PLXNA4: variants seen among roughly 807,000 people sequenced by gnomAD.
PLXNA4 encodes the protein plexin A4.
In PLXNA4, 44 loss-of-function variants were observed where a neutral mutation model predicts 191.8. The observed-to-expected ratio is 0.23, with a 90% CI of 0.18 to 0.29. The LOEUF is 0.29. Among genes scored for constraint, PLXNA4 ranks in the 10% least tolerant of loss-of-function variants. The pLI, the probability that PLXNA4 is intolerant of heterozygous loss-of-function variation, is 1.00. For synonymous variants in PLXNA4, 1,082 were observed against 1,009.5 expected, an observed-to-expected ratio of 1.07 and a Z score of -1.36; for missense variants, 1,800 against 2,488.8, an observed-to-expected ratio of 0.72 and a Z score of 5.89.
chr7:132,482,455 T>G (rs554392945), intron 3 of PLXNA4, among the ~76,000 whole-genome samples: 9 of 152,160 alleles, frequency 5.9e-5, no homozygotes, highest in Non-Finnish European at 1.2e-4. Flanking sequence ...AGGTAGACTC[T>G]TCCCCATTCT....
intron 3 of PLXNA4, among the ~76,000 whole-genome samples, chr7:132,459,105 G>T (rs749190387): frequency 1.3e-5 from 2 of 152,076 alleles, no homozygotes; most frequent in African/African-American, 4.8e-5. Context: ...TACAGAGCAC[G>T]ACCGAACCAG....
At chr7:132,564,892 C>A (rs2116717515) in intron 1 of PLXNA4, among the ~76,000 whole-genome samples, 1 of 152,294 alleles carries the variant, frequency 6.6e-6, no homozygotes. Flanking sequence ...CATCCCCTGC[C>A]ACTGTCTCCT....
intron 3 of PLXNA4, among the ~76,000 whole-genome samples, chr7:132,461,987 T>C (rs1399865053): frequency 6.6e-6 from 1 of 152,176 alleles, no homozygotes; most frequent in African/African-American, 2.4e-5. Context: ...TGAAAAGCTA[T>C]TAAAGTTGTC....
At chr7:132,564,249 TCTGCTTCTCCTCCTCCTCTCCTTTTCCTC>T (rs546682634) in intron 1 of PLXNA4, among the ~76,000 whole-genome samples, 20 of 110,750 alleles carry the variant, frequency 1.8e-4, no homozygotes, top group South Asian at 7.4e-4. Context: ...TCCTCCTCCT[TCTGCTTCTCCTCCTCCTCTCCTTTTCCTC>T]CTCCTCCTCC....
chr7:132,442,983 C>T (rs1463879817), intron 3 of PLXNA4, among the ~76,000 whole-genome samples: 2 of 152,148 alleles, frequency 1.3e-5, no homozygotes, highest in Non-Finnish European at 2.9e-5. Context: ...GCTCTGCTTA[C>T]CCAGCCCGTG....
intron 3 of PLXNA4, among the ~76,000 whole-genome samples, chr7:132,345,957 G>C (rs6467431): frequency 6.6e-6 from 1 of 151,830 alleles, no homozygotes; most frequent in Non-Finnish European, 1.5e-5. Flanking sequence ...CATCTGCTGC[G>C]TGAGCTACAA....
intron 3 of PLXNA4, among the ~76,000 whole-genome samples, chr7:132,360,486 AC>A (rs1405045908): frequency 6.6e-6 from 1 of 152,152 alleles, no homozygotes; most frequent in African/African-American, 2.4e-5. Flanking sequence ...CAGATCAGAT[AC>A]TCAGTTTCTC....
At chr7:132,540,434 G>A (rs1800020794) in intron 1 of PLXNA4, among the ~76,000 whole-genome samples, 1 of 152,072 alleles carries the variant, frequency 6.6e-6, no homozygotes, top group South Asian at 2.1e-4. Flanking sequence ...CCAAACCTGG[G>A]CTAGATCTCC....
In PLXNA4 at chr7:132,351,473, C is replaced by T. The variant is rs557647186; in HGVS notation, c.1372-53251G>A. 1.4e-4 allele frequency among the ~76,000 whole-genome samples: 21 copies of T among 152,292 alleles called. No homozygotes were observed. In the South Asian group the frequency reaches 3.9e-3, roughly 29 times the overall value. On this transcript the variant is annotated intron_variant, in intron 3 of 31. Transcript: ENST00000321063. ...AAGACTTGCCCATGGCTGGCCACCC[C>T]GTCATCTCTAGCAGAGGGTGTGTGA... is the stretch of plus-strand genomic sequence containing the variant.
chr7:132,173,796 GC>G (rs1346045404), intron 21 of PLXNA4, among the ~76,000 whole-genome samples: 1 of 152,162 alleles, frequency 6.6e-6, no homozygotes, highest in Non-Finnish European at 1.5e-5. Flanking sequence ...TGTTGCTTTG[GC>G]TGTAGATTTT....
intron 30 of PLXNA4, 150 bp downstream of exon 30, chr7:132,140,449 G>C: frequency 2.5e-6 from 3 of 1,185,416 alleles, no homozygotes; most frequent in Non-Finnish European, 3.5e-6. Context: ...ACTGGGACTT[G>C]GGGGTGTGGG....
chr7:132,458,672 A>C (rs1268179899), intron 3 of PLXNA4, among the ~76,000 whole-genome samples: 1 of 151,854 alleles, frequency 6.6e-6, no homozygotes, highest in Non-Finnish European at 1.5e-5. Flanking sequence ...GAGGGAACAG[A>C]AGGGGACTTC....
intron 4 of PLXNA4, among the ~76,000 whole-genome samples, chr7:132,276,031 T>C (rs535354558): frequency 6.6e-6 from 1 of 152,208 alleles, no homozygotes; most frequent in African/African-American, 2.4e-5. Context: ...CTGCAACCCT[T>C]AGTCCCAGTT....
intron 5 of PLXNA4, among the ~76,000 whole-genome samples, chr7:132,233,142 AAAGTT>A (rs1798579973): frequency 6.6e-6 from 1 of 152,226 alleles, no homozygotes; most frequent in Admixed American, 6.5e-5. Flanking sequence ...ACCTAATAGA[AAAGTT>A]AAGATAATTT....
intron 3 of PLXNA4, chr7:132,383,566 GA>G: frequency 1.0e-6 from 1 of 983,742 alleles, no homozygotes; most frequent in Non-Finnish European, 1.2e-6. Flanking sequence ...CTTTTTCACT[GA>G]ATGTTATCAC....
intron 4 of PLXNA4, among the ~76,000 whole-genome samples, chr7:132,279,209 T>C (rs547027856): frequency 1.4e-4 from 21 of 152,276 alleles, no homozygotes; most frequent in Admixed American, 4.6e-4. Context: ...AGGTGTGCCA[T>C]TGGGGCAGCT....
At chr7:132,502,078 C>A (rs576722840) in intron 2 of PLXNA4, among the ~76,000 whole-genome samples, 1 of 152,332 alleles carries the variant, frequency 6.6e-6, no homozygotes, top group East Asian at 1.9e-4. Context: ...AAAGAAAACA[C>A]CCCAAGAAGA....
chr7:132,602,905 T>TA, intron 2 of PLXNA4, among the ~76,000 whole-genome samples: 1 of 152,250 alleles, frequency 6.6e-6, no homozygotes, highest in Non-Finnish European at 1.5e-5. Flanking sequence ...GAAGTGTTAG[T>TA]ACAATTCTAT....
In PLXNA4 at chr7:132,178,729, CACTTGTAAATGAAACACAT is replaced by C. The variant is rs1407347017; in HGVS notation, c.3874+939_3874+957del. Among the ~76,000 whole-genome samples the C allele has an allele frequency of 1.1e-3, 135 of 119,618 alleles. 3 individuals carry two copies. Among genetic ancestry groups the C allele is most frequent in the East Asian group, 6.6e-3 (27 of 4,118 alleles). The allele number at this position is 119,618 out of a possible 152,430, so 78.5% of individuals were successfully genotyped here. A position where few individuals can be genotyped will look rare whatever the true frequency, so the allele number is the denominator to read the frequency against. ...ACATACACATACACACACACACACACACTTGTAAATGAAACACATACACACACACACACACACACACACA... is the reference window on the plus strand; with the variant it reads ...ACATACACATACACACACACACACACACACACACACACACACACACACACA... On this transcript the variant is annotated intron_variant, in intron 20 of 31. Transcript: ENST00000321063.
Sources: allele counts gnomAD v4.1 joint callset (sites outside exome capture counted in the v4.1 genomes callset), GRCh38; gene constraint gnomAD v4.1.1; transcripts MANE v1.5; gene names NCBI Gene and HGNC (gene_info 2026-07-23, HGNC 2026-07-21).